RAB3GAP1: variants seen among roughly 807,000 people sequenced by gnomAD.
RAB3GAP1 encodes the protein RAB3 GTPase activating protein catalytic subunit 1, also known as rab3 GTPase-activating protein catalytic subunit.
A neutral mutation model predicts 130.7 loss-of-function variants in RAB3GAP1; 86 were observed. That is an observed-to-expected ratio of 0.66 (90% confidence interval 0.55 to 0.79). The LOEUF (loss-of-function observed/expected upper bound fraction) is 0.79. Ranked by LOEUF, RAB3GAP1 falls within the 30% of genes least tolerant of loss-of-function variation. The pLI, the probability that RAB3GAP1 is intolerant of heterozygous loss-of-function variation, is 0.00. For synonymous variants in RAB3GAP1, 367 were observed against 401.7 expected, an observed-to-expected ratio of 0.91 and a Z score of 1.03; for missense variants, 1,029 against 1,169.4, an observed-to-expected ratio of 0.88 and a Z score of 1.75.
intron 3 of RAB3GAP1, among the ~76,000 whole-genome samples, chr2:135,081,356 A>G (rs1386512816): frequency 2.3e-5 from 2 of 88,412 alleles, no homozygotes; most frequent in Non-Finnish European, 3.9e-5. Flanking sequence ...ATATATATAT[A>G]TATATACACA....
chr2:135,135,632 C>A lies in RAB3GAP1; in HGVS notation c.1623C>A (p.Val541=). 6.2e-7 allele frequency: 1 copy of A among 1,612,426 alleles called. No homozygotes were observed. Among genetic ancestry groups the A allele is most frequent in the Non-Finnish European group, 8.5e-7 (1 of 1,179,340 alleles). The change falls in exon 17 of 24, where the codon GTC becomes GTA. Residue 541 remains valine, a synonymous_variant. Transcript: ENST00000264158. The part of the protein sequence containing the change: ...DEGKKTSASD[V]TNIYPGDAGK... ...GGAAAAAGACAAGTGCTTCAGATGT[C>A]ACTAATATATATCCAGGGGATGCTG... is the stretch of plus-strand genomic sequence containing the variant.
At chr2:135,148,491 CTTTTT>C (rs571757000) in intron 17 of RAB3GAP1, among the ~76,000 whole-genome samples, 4 of 108,118 alleles carry the variant, frequency 3.7e-5, no homozygotes, top group Non-Finnish European at 3.7e-5. Flanking sequence ...GCTAGTAATT[CTTTTT>C]TTTTTTTTTT....
chr2:135,076,607 C>G (rs1230045421), intron 3 of RAB3GAP1, among the ~76,000 whole-genome samples: 2 of 152,094 alleles, frequency 1.3e-5, no homozygotes, highest in African/African-American at 4.8e-5. Flanking sequence ...CCTCATCTGT[C>G]ATTTTTCTTT....
In RAB3GAP1 at chr2:135,089,902, CAG is replaced by C. The variant is rs1323042003; in HGVS notation, c.151-1095_151-1094del. On this transcript the variant is annotated intron_variant, in intron 3 of 23. Coordinates refer to ENST00000264158, the MANE Select transcript of RAB3GAP1 (RefSeq NM_012233.3). ...GTTGAACAGTGAGAACACGTGGACACAGGGAGGGAAGCATCACACACTGGGAC... is the reference window on the plus strand; with the variant it reads ...GTTGAACAGTGAGAACACGTGGACACGGAGGGAAGCATCACACACTGGGAC... 1.8e-5 allele frequency: 6 copies of C among 340,794 alleles called. 1 individual carries two copies. Among genetic ancestry groups the C allele is most frequent in the South Asian group, 1.1e-4 (5 of 45,026 alleles). The allele number at this position is 340,794 out of a possible 1,614,324, so 21.1% of individuals were successfully genotyped here.
At chr2:135,167,576 T>G in intron 23 of RAB3GAP1, 1 of 812,736 alleles carries the variant, frequency 1.2e-6, no homozygotes, top group Non-Finnish European at 2.0e-6. Flanking sequence ...AGGATCATGT[T>G]CCATAATGTA....
At chr2:135,081,904 G>T (rs1207836795) in intron 3 of RAB3GAP1, among the ~76,000 whole-genome samples, 1 of 152,010 alleles carries the variant, frequency 6.6e-6, no homozygotes, top group East Asian at 1.9e-4. Context: ...ATTTTGAGAG[G>T]CCGAGACGGG....
At chr2:135,079,354 C>T (rs1689721071) in intron 3 of RAB3GAP1, among the ~76,000 whole-genome samples, 1 of 152,146 alleles carries the variant, frequency 6.6e-6, no homozygotes, top group Non-Finnish European at 1.5e-5. Flanking sequence ...CCTTCTCTTT[C>T]TCATTTGTTT....
chr2:135,058,888 A>G (rs1241815424), intron 3 of RAB3GAP1: 3 of 152,160 alleles, frequency 2.0e-5, no homozygotes, highest in Non-Finnish European at 1.5e-5. Context: ...TTATTAACTC[A>G]GTAATTATTA....
At chr2:135,069,838 A>G (rs62168956) in intron 3 of RAB3GAP1, among the ~76,000 whole-genome samples, 6,417 of 152,224 alleles carry the variant, frequency 0.042, 161 homozygotes, top group African/African-American at 0.056. Context: ...TTTACTCCAC[A>G]GTCATTTTAT....
At chr2:135,063,735 T>G (rs1040165082) in intron 3 of RAB3GAP1, among the ~76,000 whole-genome samples, 1 of 152,208 alleles carries the variant, frequency 6.6e-6, no homozygotes, top group Non-Finnish European at 1.5e-5. Context: ...GATGGACACT[T>G]GGGTCGCTTC....
chr2:135,173,880 C>T (rs752051736), downstream of RAB3GAP1, among the ~76,000 whole-genome samples: 1 of 152,158 alleles, frequency 6.6e-6, no homozygotes, highest in Non-Finnish European at 1.5e-5. Flanking sequence ...GGATGGATGC[C>T]TCGATGCCTC....
rs1353305683 is a variant in RAB3GAP1 at position 135,135,239 on chromosome 2, T to G, written c.1500-26T>G. 4.4e-6 allele frequency: 7 copies of G among 1,587,078 alleles called. No homozygotes were observed. In the South Asian group the frequency reaches 7.7e-5, roughly 18 times the overall value. On this transcript the variant is annotated intron_variant, in intron 15 of 23. Coordinates refer to ENST00000264158, the MANE Select transcript of RAB3GAP1 (RefSeq NM_012233.3). The stretch of plus-strand genomic sequence containing the variant: ...AAGCAATTTTACTAAAACTAAGCTT[T>G]CTTTTCTCCTTACTTTATTTGATAG...
chr2:135,131,118 G>C (rs1188351259), intron 13 of RAB3GAP1, among the ~76,000 whole-genome samples: 1 of 152,254 alleles, frequency 6.6e-6, no homozygotes, highest in East Asian at 1.9e-4. Context: ...ACCATGACCA[G>C]GGTTGAGGCT....
chr2:135,150,664 G>A (rs1692148864), intron 18 of RAB3GAP1, among the ~76,000 whole-genome samples, 158 bp downstream of exon 18: 1 of 152,112 alleles, frequency 6.6e-6, no homozygotes, highest in Non-Finnish European at 1.5e-5. Flanking sequence ...CCCCCCAGAG[G>A]ACATAGTCAA....
rs556694758 is a variant in RAB3GAP1 at position 135,156,482 on chromosome 2, C to A, written c.2289+2606C>A. Among the ~76,000 whole-genome samples, 19 of 152,180 alleles carry A rather than the reference C, an allele frequency of 1.2e-4. No homozygotes were observed. The South Asian group carries it at 3.1e-3, about 25-fold the overall frequency. Reference sequence around the variant, plus strand: ...TTTTAAGAAAACAATACATGTTGATCAAATATGAGGATGATTATTTAGAAG... The same window carrying A: ...TTTTAAGAAAACAATACATGTTGATAAAATATGAGGATGATTATTTAGAAG... On this transcript the variant is annotated intron_variant, in intron 19 of 23. Transcript: ENST00000264158.
chr2:135,053,412 C>T (rs971466770), intron 2 of RAB3GAP1, among the ~76,000 whole-genome samples: 2 of 152,222 alleles, frequency 1.3e-5, no homozygotes, highest in African/African-American at 4.8e-5. Context: ...TGTTCTATTA[C>T]TGAAATTAGT....
chr2:135,061,050 T>G (rs1689157691), intron 3 of RAB3GAP1, among the ~76,000 whole-genome samples: 1 of 151,072 alleles, frequency 6.6e-6, no homozygotes, highest in Non-Finnish European at 1.5e-5. Context: ...TGTCACCTGC[T>G]TTAGAACTTT....
intron 17 of RAB3GAP1, among the ~76,000 whole-genome samples, chr2:135,140,004 T>A (rs1208403012): frequency 6.6e-6 from 1 of 152,206 alleles, no homozygotes. Flanking sequence ...TTTCGTTGTA[T>A]AATCATACAT....
intron 17 of RAB3GAP1, among the ~76,000 whole-genome samples, chr2:135,140,427 A>T (rs1159465167): frequency 1.3e-5 from 2 of 152,328 alleles, no homozygotes; most frequent in East Asian, 3.9e-4. Context: ...GACCACTCCC[A>T]GGTTTAGTGA....
Sources: allele counts gnomAD v4.1 joint callset (sites outside exome capture counted in the v4.1 genomes callset), GRCh38; gene constraint gnomAD v4.1.1; transcripts MANE v1.5; gene names NCBI Gene and HGNC (gene_info 2026-07-23, HGNC 2026-07-21).